ADAM22: variants seen among roughly 807,000 people sequenced by gnomAD.
The protein encoded by ADAM22 is disintegrin and metalloproteinase domain-containing protein 22.
In ADAM22, 65 loss-of-function variants were observed where a neutral mutation model predicts 144.6. That is an observed-to-expected ratio of 0.45 (90% CI 0.37 to 0.55). ADAM22 has a LOEUF of 0.55. Ranked by LOEUF, ADAM22 falls within the 20% of genes least tolerant of loss-of-function variation. The pLI is 0.00. For missense variants in ADAM22, 974 were observed against 1,184.9 expected (o/e 0.82, Z 2.61); for synonymous variants, 391 against 412.6 (o/e 0.95, Z 0.63).
chr7:88,143,733 C>A (rs756296310), intron 15 of ADAM22, among the ~76,000 whole-genome samples: 2 of 152,202 alleles, frequency 1.3e-5, no homozygotes, highest in Non-Finnish European at 2.9e-5. Flanking sequence ...TTTGTCCTTG[C>A]GAATTATGTG....
intron 4 of ADAM22, among the ~76,000 whole-genome samples, chr7:88,095,774 G>T (rs1245252225): frequency 6.6e-6 from 1 of 151,574 alleles, no homozygotes; most frequent in Non-Finnish European, 1.5e-5. Flanking sequence ...TCAGTGTTTT[G>T]CTATATTAGC....
chr7:88,002,319 C>G (rs1007586711), intron 3 of ADAM22, among the ~76,000 whole-genome samples: 2 of 152,100 alleles, frequency 1.3e-5, no homozygotes, highest in Non-Finnish European at 2.9e-5. Flanking sequence ...CTGTCTGGAA[C>G]CAGCTTCGAG....
At chr7:88,080,739 A>G (rs1816300656) in intron 4 of ADAM22, among the ~76,000 whole-genome samples, 1 of 152,342 alleles carries the variant, frequency 6.6e-6, no homozygotes, top group Non-Finnish European at 1.5e-5. Context: ...AATAAACTAG[A>G]AAATCTAGAA....
At chr7:88,055,605 C>T (rs1193894049) in intron 3 of ADAM22, among the ~76,000 whole-genome samples, 1 of 152,110 alleles carries the variant, frequency 6.6e-6, no homozygotes, top group African/African-American at 2.4e-5. Context: ...TCACTGTTTA[C>T]AAACTTTAAA....
In ADAM22 at chr7:87,982,670, C is replaced by CATATATATATATATATAT. The variant is rs3086405; in HGVS notation, c.323+4270_323+4287dup. ...ATTTATTCATCAGATTCAGTTATTA[C>CATATATATATATATATAT]ATATATATATATATATATATATATA... On this transcript the variant is annotated intron_variant, in intron 3 of 31. Transcript: ENST00000413139. Among the ~76,000 whole-genome samples, 157 of 38,058 alleles carry CATATATATATATATATAT rather than the reference C, an allele frequency of 4.1e-3. 6 individuals carry two copies. The highest frequency in any genetic ancestry group is 6.9e-3 in the East Asian group (8 of 1,160). The allele number at this position is 38,058 out of a possible 152,430, so 25.0% of individuals were successfully genotyped here. A position where few individuals can be genotyped will look rare whatever the true frequency, so the allele number is the denominator to read the frequency against.
intron 3 of ADAM22, among the ~76,000 whole-genome samples, chr7:88,007,974 G>T (rs1334069743): frequency 6.6e-6 from 1 of 152,082 alleles, no homozygotes; most frequent in African/African-American, 2.4e-5. Flanking sequence ...CCTACAAAAT[G>T]GGAGAAAATT....
intron 22 of ADAM22, among the ~76,000 whole-genome samples, chr7:88,160,678 C>T (rs183029608): frequency 4.1e-4 from 62 of 152,136 alleles, no homozygotes; most frequent in African/African-American, 1.3e-3. Context: ...ATGTTTATTG[C>T]GGCACTATTC....
intron 26 of ADAM22, among the ~76,000 whole-genome samples, 162 bp from the exon 27 acceptor site, chr7:88,178,773 C>A (rs990034928): frequency 3.3e-5 from 5 of 152,026 alleles, no homozygotes; most frequent in Non-Finnish European, 7.4e-5. Flanking sequence ...GTTAGAATGA[C>A]TTTAACTTGT....
At chr7:88,094,028 G>A (rs1820616423) in intron 4 of ADAM22, among the ~76,000 whole-genome samples, 1 of 152,144 alleles carries the variant, frequency 6.6e-6, no homozygotes, top group African/African-American at 2.4e-5. Context: ...CTCAATGTGT[G>A]TTCTCAACCC....
chr7:88,103,087 G>A (rs549905191), intron 4 of ADAM22, among the ~76,000 whole-genome samples: 99 of 152,282 alleles, frequency 6.5e-4, no homozygotes, highest in African/African-American at 2.2e-3. Flanking sequence ...TGAAAATTCA[G>A]AGAAGGAGGG....
chr7:88,080,922 A>G (rs1416191141), intron 4 of ADAM22, among the ~76,000 whole-genome samples: 1 of 152,132 alleles, frequency 6.6e-6, no homozygotes, highest in Admixed American at 6.6e-5. Flanking sequence ...ACAAGGAGGA[A>G]CTGGTACCAT....
chr7:88,149,522 G>C (rs1837693982), intron 18 of ADAM22, among the ~76,000 whole-genome samples: 1 of 152,246 alleles, frequency 6.6e-6, no homozygotes, highest in South Asian at 2.1e-4. Flanking sequence ...CTTAGTTATA[G>C]ATAGACAAGC....
intron 4 of ADAM22, among the ~76,000 whole-genome samples, chr7:88,103,110 T>A (rs999734973): frequency 6.6e-6 from 1 of 152,088 alleles, no homozygotes; most frequent in Non-Finnish European, 1.5e-5. Context: ...TAGCAGGAAG[T>A]CATTTATGAG....
chr7:88,167,115 A>G (rs907075306), intron 24 of ADAM22, among the ~76,000 whole-genome samples: 1 of 152,124 alleles, frequency 6.6e-6, no homozygotes, highest in Non-Finnish European at 1.5e-5. Context: ...GGAGAATTGA[A>G]ATCTTCTCAA....
At chr7:88,063,027 T>C (rs1563134549) in intron 3 of ADAM22, among the ~76,000 whole-genome samples, 2 of 152,150 alleles carry the variant, frequency 1.3e-5, no homozygotes, top group Non-Finnish European at 2.9e-5. Flanking sequence ...TAATGAAAAG[T>C]TTTAAATATT....
Position 88,128,605 on chromosome 7 carries a change from C to T in ADAM22, c.682C>T (p.Arg228Cys), listed in dbSNP as rs535039786. Residue 228 changes from arginine to cysteine, a missense_variant, in exon 9 of 32, where the codon CGT becomes TGT. By Grantham distance (180) the Arg-to-Cys change is radical (BLOSUM62 -3). Transcript: ENST00000413139. Reference sequence around the variant, plus strand: ...TGTTTCCTTTCCTGTGTTACAGCTTCGTCGATATCCTCGTAATGTAGAAGA... The same window carrying T: ...TGTTTCCTTTCCTGTGTTACAGCTTTGTCGATATCCTCGTAATGTAGAAGA... ...PRPKRSKRQLRRYPRNVEEET... is the reference protein window; with the variant it reads ...PRPKRSKRQLCRYPRNVEEET... 7.4e-6 allele frequency: 12 copies of T among 1,610,744 alleles called. No individual in the cohort carries two copies. In the East Asian group the frequency reaches 1.3e-4, roughly 18 times the overall value.
intron 3 of ADAM22, among the ~76,000 whole-genome samples, chr7:88,046,006 G>A (rs1804606176): frequency 1.3e-5 from 2 of 151,094 alleles, no homozygotes; most frequent in Admixed American, 6.6e-5. Flanking sequence ...TAGGTATTGC[G>A]AATAGTGCTG....
At chr7:87,982,701 T>TATATATATATATATATATATATATAAAA (rs1554373733) in intron 3 of ADAM22, among the ~76,000 whole-genome samples, 1 of 33,802 alleles carries the variant, frequency 3.0e-5, no homozygotes, top group African/African-American at 1.3e-4. Flanking sequence ...ATATATATAA[T>TATATATATATATATATATATATATAAAA]TTTTTTTTTT....
At chr7:87,994,026 A>G (rs1790507607) in intron 3 of ADAM22, among the ~76,000 whole-genome samples, 1 of 152,232 alleles carries the variant, frequency 6.6e-6, no homozygotes, top group Non-Finnish European at 1.5e-5. Context: ...ATTGTTTATA[A>G]TCAATAATAA....
Sources: allele counts gnomAD v4.1 joint callset (sites outside exome capture counted in the v4.1 genomes callset), GRCh38; gene constraint gnomAD v4.1.1; transcripts MANE v1.5; gene names NCBI Gene and HGNC (gene_info 2026-07-23, HGNC 2026-07-21).